Variants in NLGN1 observed in about 807,000 individuals in gnomAD.
NLGN1 encodes the protein neuroligin 1.
A neutral mutation model predicts 65.5 loss-of-function variants in NLGN1; 12 were observed. That is an observed-to-expected ratio of 0.18 (90% confidence interval 0.12 to 0.30). NLGN1 has a LOEUF of 0.30. Among genes scored for constraint, NLGN1 ranks in the 10% least tolerant of loss-of-function variants. The probability of loss-of-function intolerance (pLI) is 1.00; values close to 1 mark genes in which losing one functional copy is unlikely to be tolerated. For synonymous variants in NLGN1, 350 were observed against 359.5 expected, an observed-to-expected ratio of 0.97 and a Z score of 0.30; for missense variants, 750 against 1,007.1, an observed-to-expected ratio of 0.74 and a Z score of 3.46.
At chr3:174,013,255 A>T (rs1457023096) in intron 4 of NLGN1, among the ~76,000 whole-genome samples, 2 of 152,098 alleles carry the variant, frequency 1.3e-5, no homozygotes, top group Non-Finnish European at 2.9e-5. Flanking sequence ...AAAAGTCCTT[A>T]TTCCGGCAGC....
At chr3:174,155,202 C>T (rs531941508) in intron 4 of NLGN1, among the ~76,000 whole-genome samples, 126 of 150,612 alleles carry the variant, frequency 8.4e-4, no homozygotes, top group Non-Finnish European at 1.4e-3. Flanking sequence ...AAAATACTTG[C>T]CCTTACTATG....
chr3:174,078,758 T>G (rs1321093404), intron 4 of NLGN1, among the ~76,000 whole-genome samples: 1 of 152,166 alleles, frequency 6.6e-6, no homozygotes, highest in Non-Finnish European at 1.5e-5. Flanking sequence ...AGAAAAGGAC[T>G]GACAACCACA....
intron 3 of NLGN1, among the ~76,000 whole-genome samples, chr3:173,695,901 C>G (rs1766146529): frequency 6.6e-6 from 1 of 152,196 alleles, no homozygotes; most frequent in East Asian, 1.9e-4. Flanking sequence ...GCCTCGACCT[C>G]CTGGGCTTAA....
intron 4 of NLGN1, among the ~76,000 whole-genome samples, chr3:173,830,014 G>C (rs578239282): frequency 1.5e-4 from 22 of 144,582 alleles, no homozygotes; most frequent in African/African-American, 5.0e-4. Context: ...GTGTGGGGGG[G>C]GGAGGGAGAG....
chr3:173,654,910 G>A (rs1759750529), intron 3 of NLGN1, among the ~76,000 whole-genome samples: 1 of 152,084 alleles, frequency 6.6e-6, no homozygotes, highest in African/African-American at 2.4e-5. Context: ...AGTCATATAT[G>A]TAAGCATAGA....
chr3:173,843,103 G>C (rs1725090110), intron 4 of NLGN1, among the ~76,000 whole-genome samples: 1 of 152,204 alleles, frequency 6.6e-6, no homozygotes, highest in Non-Finnish European at 1.5e-5. Context: ...CTTGAGGCTT[G>C]CACTTTCTGA....
chr3:174,091,413 A>G (rs545359015), intron 4 of NLGN1, among the ~76,000 whole-genome samples: 2 of 152,308 alleles, frequency 1.3e-5, no homozygotes, highest in African/African-American at 4.8e-5. Flanking sequence ...GAAAAACTCA[A>G]ATTAATAATA....
rs929575311 is a variant in NLGN1 at position 174,169,560 on chromosome 3, G to A, written c.647-105755G>A. 3.3e-5 allele frequency among the ~76,000 whole-genome samples: 5 copies of A among 151,882 alleles called. No individual in the cohort carries two copies. The East Asian group carries it at 5.8e-4, about 18-fold the overall frequency. ...GTACCACAATTAATGTGGTAGGAAG[G>A]ATTAAGAAGGATGGGTGGCTCAGGC... On this transcript the variant is annotated intron_variant, in intron 4 of 6. Coordinates refer to ENST00000457714, the Ensembl canonical transcript of NLGN1.
chr3:173,854,490 T>C (rs1285664944), intron 4 of NLGN1, among the ~76,000 whole-genome samples: 1 of 152,114 alleles, frequency 6.6e-6, no homozygotes, highest in Admixed American at 6.5e-5. Flanking sequence ...AATAATCGTT[T>C]ACAGCATAAC....
intron 4 of NLGN1, among the ~76,000 whole-genome samples, chr3:174,000,952 T>C (rs968813814): frequency 2.0e-5 from 3 of 152,138 alleles, no homozygotes; most frequent in African/African-American, 7.2e-5. Flanking sequence ...GGGAGCCCAG[T>C]CAAGGACTCC....
At chr3:173,401,951 G>A (rs1244562689) in intron 1 of NLGN1, among the ~76,000 whole-genome samples, 1 of 152,152 alleles carries the variant, frequency 6.6e-6, no homozygotes, top group Non-Finnish European at 1.5e-5. Flanking sequence ...AACATATAGC[G>A]CTTCATAACA....
chr3:173,551,238 C>G (rs111257858), intron 2 of NLGN1, among the ~76,000 whole-genome samples: 181 of 115,864 alleles, frequency 1.6e-3, no homozygotes, highest in African/African-American at 6.2e-3. Context: ...AAAGTTTTTC[C>G]AAATAACAAG....
At chr3:173,756,187 C>T (rs1777092195) in intron 3 of NLGN1, among the ~76,000 whole-genome samples, 2 of 151,492 alleles carry the variant, frequency 1.3e-5, no homozygotes, top group Non-Finnish European at 2.9e-5. Flanking sequence ...AGCAAATAAG[C>T]AATTACTTTT....
At chr3:173,932,024 G>A (rs1433775417) in intron 4 of NLGN1, among the ~76,000 whole-genome samples, 5 of 150,182 alleles carry the variant, frequency 3.3e-5, no homozygotes, top group Non-Finnish European at 7.4e-5. Flanking sequence ...TTTCTGTTTT[G>A]TTTTGTTTTG....
In NLGN1 at chr3:173,827,773, T is replaced by C. The variant is rs866202072; in HGVS notation, c.646+19941T>C. On this transcript the variant is annotated intron_variant, in intron 4 of 6. Transcript: ENST00000457714. Reference sequence around the variant, plus strand: ...CTGGAGAACCAGACAGAGAAGCTGATGATGTAGTTCAGTGTGAGTCTTACG... The same window carrying C: ...CTGGAGAACCAGACAGAGAAGCTGACGATGTAGTTCAGTGTGAGTCTTACG... Among the ~76,000 whole-genome samples the C allele has an allele frequency of 2.6e-5, 4 of 152,050 alleles. No individual in the cohort carries two copies. The South Asian group carries it at 6.2e-4, about 24-fold the overall frequency.
intron 4 of NLGN1, among the ~76,000 whole-genome samples, chr3:173,859,720 A>G (rs1453010427): frequency 6.6e-6 from 1 of 152,026 alleles, no homozygotes; most frequent in Non-Finnish European, 1.5e-5. Flanking sequence ...AGTGGAACCA[A>G]ATAATTTTTA....
At chr3:173,574,304 T>G (rs1267678104) in intron 2 of NLGN1, among the ~76,000 whole-genome samples, 1 of 151,894 alleles carries the variant, frequency 6.6e-6, no homozygotes, top group Non-Finnish European at 1.5e-5. Flanking sequence ...ATAACTAAAG[T>G]ATAGTTGATT....
chr3:173,438,752 C>T (rs1164383207), intron 2 of NLGN1, among the ~76,000 whole-genome samples: 1 of 152,012 alleles, frequency 6.6e-6, no homozygotes, highest in Non-Finnish European at 1.5e-5. Context: ...ATTCAGTAGA[C>T]AGAAAAGATA....
intron 4 of NLGN1, among the ~76,000 whole-genome samples, chr3:174,271,360 G>A (rs1293646274): frequency 6.6e-6 from 1 of 151,316 alleles, no homozygotes; most frequent in Non-Finnish European, 1.5e-5. Flanking sequence ...TATTGTAAGA[G>A]ACCTAAGTAT....
Sources: allele counts gnomAD v4.1 joint callset (sites outside exome capture counted in the v4.1 genomes callset), GRCh38; gene constraint gnomAD v4.1.1; transcripts MANE v1.5; gene names NCBI Gene and HGNC (gene_info 2026-07-23, HGNC 2026-07-21).